Variants in DIPK1C observed in about 807,000 individuals in gnomAD.
The protein encoded by DIPK1C is familial non-conventional Alzheimer's dementia.
In DIPK1C, 33 loss-of-function variants were observed where a neutral mutation model predicts 28.0. That is an observed-to-expected ratio of 1.18 (90% CI 0.89 to 1.58). DIPK1C has a LOEUF of 1.58. Ranked by LOEUF, DIPK1C falls within the 40% of genes most tolerant of loss-of-function variation. The pLI, the probability that DIPK1C is intolerant of heterozygous loss-of-function variation, is 0.00. For synonymous variants in DIPK1C, 255 were observed against 248.8 expected (o/e 1.02, Z -0.23); for missense variants, 569 against 568.5 (o/e 1.00, Z -0.01).
chr18:74,458,940 C>CAAAAAAAAAAAAAAAAAAAAAAA (rs61690822), upstream of DIPK1C, among the ~76,000 whole-genome samples: 1 of 123,344 alleles, frequency 8.1e-6, no homozygotes, highest in African/African-American at 2.9e-5. Flanking sequence ...CCAACCTGGG[C>CAAAAAAAAAAAAAAAAAAAAAAA]AAAAAAAAAA....
At chr18:74,450,348 A>G (rs953456805) in intron 1 of DIPK1C, among the ~76,000 whole-genome samples, 21 of 152,260 alleles carry the variant, frequency 1.4e-4, no homozygotes, top group Admixed American at 2.0e-4. Context: ...ACTTTTGCAT[A>G]AAGTAGAGAA....
chr18:74,459,543 C>A (rs1328205816), upstream of DIPK1C, among the ~76,000 whole-genome samples: 4 of 152,266 alleles, frequency 2.6e-5, no homozygotes, highest in East Asian at 7.7e-4. Flanking sequence ...CCTGAAGCTG[C>A]CTAGTTTGTA....
intron 1 of DIPK1C, among the ~76,000 whole-genome samples, chr18:74,449,853 A>G (rs898120472): frequency 6.6e-6 from 1 of 152,146 alleles, no homozygotes; most frequent in Non-Finnish European, 1.5e-5. Context: ...TGAACTCAAC[A>G]GAATCTTGGT....
upstream of DIPK1C, among the ~76,000 whole-genome samples, chr18:74,457,566 G>A (rs1986546632): frequency 6.6e-6 from 1 of 152,132 alleles, no homozygotes; most frequent in South Asian, 2.1e-4. Context: ...CGAAATCCGG[G>A]TAGATTCAAT....
chr18:74,436,180 G>A lies in DIPK1C; in HGVS notation c.*321C>T, dbSNP rs752324285. 2.0e-5 allele frequency: 7 copies of A among 342,230 alleles called. No homozygotes were observed. In the East Asian group the frequency reaches 2.1e-4, roughly 10 times the overall value. The allele number at this position is 342,230 out of a possible 1,614,324, so 21.2% of individuals were successfully genotyped here. A position where few individuals can be genotyped will look rare whatever the true frequency, so the allele number is the denominator to read the frequency against. ...TTACAGGAAAGAACAGCTGGAACTC[G>A]TGCTGGGATAACCAGGTACAAGTGC... On this transcript the variant is annotated 3_prime_UTR_variant, in exon 4 of 4. Coordinates refer to ENST00000343998, the MANE Select transcript of DIPK1C (RefSeq NM_001044369.3).
In DIPK1C at chr18:74,451,476, G is replaced by A. The variant is rs140690292; in HGVS notation, c.199-4193C>T. Among the ~76,000 whole-genome samples the A allele has an allele frequency of 3.8e-3, 574 of 152,306 alleles. 2 individuals are homozygous for A. The highest frequency in any genetic ancestry group is 6.9e-3 in the Non-Finnish European group (469 of 68,024). On this transcript the variant is annotated intron_variant, in intron 1 of 3. Transcript: ENST00000343998. ...CTGGGCCAGGTCCCCACAGCACCGT[G>A]TTTAACACAAACTGTGCCTCATCGA... is the stretch of plus-strand genomic sequence containing the variant.
intron 1 of DIPK1C, among the ~76,000 whole-genome samples, chr18:74,456,426 G>A (rs558161625): frequency 2.6e-5 from 4 of 152,388 alleles, no homozygotes; most frequent in African/African-American, 9.6e-5. Flanking sequence ...CGGGACCCGG[G>A]ATCCTCCCGG....
chr18:74,447,797 C>T lies in DIPK1C; in HGVS notation c.199-514G>A, dbSNP rs975703270. 6.6e-6 allele frequency among the ~76,000 whole-genome samples: 1 copy of T among 152,220 alleles called. No homozygotes were observed. The highest frequency in any genetic ancestry group is 1.9e-4 in the East Asian group (1 of 5,188). ...CCTGCAAGTACATTCCTTGAGCTTA[C>T]TGTTTTCCACATGAAATGGAGTGCC... On this transcript the variant is annotated intron_variant, in intron 1 of 3. Transcript: ENST00000343998. The surrounding 1 kb of genome is among the most constrained non-coding windows in gnomAD (Gnocchi z 4.1).
the DIPK1C span, among the ~76,000 whole-genome samples, chr18:74,463,666 C>T: frequency 9.2e-5 from 14 of 152,252 alleles, no homozygotes; most frequent in East Asian, 1.9e-4. Context: ...GAAAGCACAA[C>T]GCAGGGGAAA....
At chr18:74,442,535 T>C (rs1305604818) in intron 2 of DIPK1C, among the ~76,000 whole-genome samples, 1 of 152,182 alleles carries the variant, frequency 6.6e-6, no homozygotes, top group Non-Finnish European at 1.5e-5. Context: ...TTCACCGTGT[T>C]AGCCAGGATG....
At chr18:74,437,718 G>C (rs1986029780) in intron 3 of DIPK1C, among the ~76,000 whole-genome samples, 2 of 152,026 alleles carry the variant, frequency 1.3e-5, no homozygotes, top group Admixed American at 6.6e-5. Flanking sequence ...TGTTCTTAAG[G>C]CTAGACCGTG....
Position 74,452,726 on chromosome 18 carries a change from C to G in DIPK1C, c.198+4336G>C, listed in dbSNP as rs1014539316. On this transcript the variant is annotated intron_variant, in intron 1 of 3. Coordinates refer to ENST00000343998, the MANE Select transcript of DIPK1C (RefSeq NM_001044369.3). Reference sequence around the variant, plus strand: ...TGTCTCAAGAAAACAAACAAAAACTCCAAAAACTTTCATCATGTTAAAGAT... The same window carrying G: ...TGTCTCAAGAAAACAAACAAAAACTGCAAAAACTTTCATCATGTTAAAGAT... 2.0e-5 allele frequency among the ~76,000 whole-genome samples: 3 copies of G among 152,068 alleles called. No homozygotes were observed. The South Asian group carries it at 6.2e-4, about 32-fold the overall frequency.
intron 3 of DIPK1C, among the ~76,000 whole-genome samples, chr18:74,437,950 G>T (rs1027094046): frequency 6.6e-6 from 1 of 152,174 alleles, no homozygotes; most frequent in African/African-American, 2.4e-5. Flanking sequence ...GGAGTGCAGT[G>T]GTGCCATCTT....
chr18:74,442,059 C>G lies in DIPK1C; in HGVS notation c.934G>C (p.Glu312Gln), dbSNP rs1295629546. 6.2e-7 allele frequency: 1 copy of G among 1,613,988 alleles called. No individual in the cohort carries two copies. The highest frequency in any genetic ancestry group is 8.5e-7 in the Non-Finnish European group (1 of 1,180,030). The change falls in exon 3 of 4, where the codon GAG (glutamate) becomes CAG (glutamine). Residue 312 changes from glutamate to glutamine, a missense_variant. Glu to Gln is a conservative substitution (Grantham distance 29, BLOSUM62 2). Coordinates refer to ENST00000343998, the MANE Select transcript of DIPK1C (RefSeq NM_001044369.3). ...TCTTCATCTCCTGTGCAGTTTTGCT[C>G]AAGGATTTCCCTCATTTTAGGTTCA... ...FFEPKMREIL[E>Q]QNCTGDEDCN...
chr18:74,457,170 C>A lies in DIPK1C; in HGVS notation c.90G>T (p.Ala30=), dbSNP rs1008045637. 18 of 1,371,866 alleles carry A rather than the reference C, an allele frequency of 1.3e-5. No homozygotes were observed. In the African/African-American group the frequency reaches 2.3e-4, roughly 18 times the overall value. The allele number at this position is 1,371,866 out of a possible 1,614,324, so 85.0% of individuals were successfully genotyped here. The change falls in exon 1 of 4, where the codon GCG becomes GCT. Residue 30 remains alanine, a synonymous_variant. Coordinates refer to ENST00000343998, the MANE Select transcript of DIPK1C (RefSeq NM_001044369.3). The stretch of plus-strand genomic sequence containing the variant: ...CCGCCAGCACCCAGCCCGCGGTCCA[C>A]GCGGCGAAGGCGAGGAGCGTGCCCC... The part of the protein sequence containing the change: ...CGRGTLLAFA[A]WTAGWVLAAA...
Position 74,436,653 on chromosome 18 carries a change from G to C in DIPK1C, c.1108C>G (p.Gln370Glu). The change falls in exon 4 of 4, where the codon CAG becomes GAG. Residue 370 changes from glutamine to glutamate, a missense_variant. Coordinates refer to ENST00000343998, the MANE Select transcript of DIPK1C (RefSeq NM_001044369.3). ...APLKSSAVSF[Q>E]LQLQLQEAVQ... ...GCCTCCTGTAACTGCAGCTGAAGCT[G>C]GAAAGAGACCGCAGAGCTCTTGAGA... The C allele has an allele frequency of 6.2e-7, 1 of 1,613,926 alleles. No individual in the cohort carries two copies. The highest frequency in any genetic ancestry group is 1.7e-4 in the Middle Eastern group (1 of 5,940).
intron 1 of DIPK1C, among the ~76,000 whole-genome samples, chr18:74,449,785 C>T (rs1280440901): frequency 1.3e-5 from 2 of 152,222 alleles, no homozygotes; most frequent in Admixed American, 6.5e-5. Flanking sequence ...TGAACACACA[C>T]TCACCAGCTG....
chr18:74,459,030 GGAATTTGAA>G (rs572790054), upstream of DIPK1C, among the ~76,000 whole-genome samples: 541 of 152,260 alleles, frequency 3.6e-3, 16 homozygotes, highest in Admixed American at 0.032. Flanking sequence ...CTTGAGCCCA[GGAATTTGAA>G]GCTGCAATGA....
intron 2 of DIPK1C, among the ~76,000 whole-genome samples, chr18:74,442,415 G>A (rs905581865): frequency 7.9e-5 from 12 of 152,038 alleles, no homozygotes; most frequent in African/African-American, 1.5e-4. Flanking sequence ...TGCAAGCTCC[G>A]CCTTCCGGGT....
Sources: allele counts gnomAD v4.1 joint callset (sites outside exome capture counted in the v4.1 genomes callset), GRCh38; gene constraint gnomAD v4.1.1; non-coding constraint Gnocchi (gnomAD v3.1); transcripts MANE v1.5; gene names NCBI Gene and HGNC (gene_info 2026-07-23, HGNC 2026-07-21).